Variants in SMYD3 observed in about 807,000 individuals in gnomAD.
SMYD3 encodes the protein SET and MYND domain containing 3, also known as histone-lysine N-methyltransferase SMYD3.
In SMYD3, 36 loss-of-function variants were observed where a neutral mutation model predicts 57.7. That is an observed-to-expected ratio of 0.62 (90% CI 0.48 to 0.82). The LOEUF (loss-of-function observed/expected upper bound fraction) is 0.82, where lower values mean the gene tolerates loss of function less well. Ranked by LOEUF, SMYD3 falls within the 40% of genes least tolerant of loss-of-function variation. The pLI, the probability that SMYD3 is intolerant of heterozygous loss-of-function variation, is 0.00. For synonymous variants in SMYD3, 211 were observed against 195.0 expected (o/e 1.08, Z -0.68); for missense variants, 515 against 538.8 (o/e 0.96, Z 0.44).
At chr1:246,402,594 T>C (rs535684597) in intron 1 of SMYD3, among the ~76,000 whole-genome samples, 1 of 152,316 alleles carries the variant, frequency 6.6e-6, no homozygotes, top group Non-Finnish European at 1.5e-5. Context: ...ACAGTCAAGA[T>C]AGAGGCTAGA....
At chr1:245,961,679 G>A (rs1461662052) in intron 5 of SMYD3, among the ~76,000 whole-genome samples, 1 of 152,050 alleles carries the variant, frequency 6.6e-6, no homozygotes, top group Non-Finnish European at 1.5e-5. Context: ...TGTAGCCTAG[G>A]ACAGTGGTTT....
chr1:246,153,022 A>T (rs1468781137), intron 5 of SMYD3, among the ~76,000 whole-genome samples: 1 of 152,094 alleles, frequency 6.6e-6, no homozygotes, highest in Non-Finnish European at 1.5e-5. Context: ...AACATATCTG[A>T]TGTCCAATTT....
At chr1:246,181,643 T>C (rs748595313) in intron 5 of SMYD3, among the ~76,000 whole-genome samples, 2 of 152,208 alleles carry the variant, frequency 1.3e-5, no homozygotes, top group Non-Finnish European at 2.9e-5. Flanking sequence ...GTTTTATTTA[T>C]AAGAAATAAA....
chr1:246,323,102 C>A (rs547721409), intron 5 of SMYD3, among the ~76,000 whole-genome samples: 1 of 152,326 alleles, frequency 6.6e-6, no homozygotes, highest in Non-Finnish European at 1.5e-5. Context: ...TCAGTTTCCA[C>A]TTCTGATATG....
rs2061578751 is a variant in SMYD3, at chr1:246,130,989, T to A, written c.531+196212A>T. On this transcript the variant is annotated intron_variant, in intron 5 of 11. Coordinates refer to ENST00000490107, the MANE Select transcript of SMYD3 (RefSeq NM_001167740.2). ...TCCTAGTCCTGTACACTACACACACTCTATGCTCCAAGGACTAGAAGCAGA... is the reference window on the plus strand; with the variant it reads ...TCCTAGTCCTGTACACTACACACACACTATGCTCCAAGGACTAGAAGCAGA... Among the ~76,000 whole-genome samples the A allele has an allele frequency of 3.3e-5, 5 of 152,086 alleles. No homozygotes were observed. In the South Asian group the frequency reaches 1.0e-3, roughly 32 times the overall value.
chr1:246,085,412 C>T (rs1160471017), intron 5 of SMYD3, among the ~76,000 whole-genome samples: 1 of 151,196 alleles, frequency 6.6e-6, no homozygotes, highest in Non-Finnish European at 1.5e-5. Context: ...AACAGACCTT[C>T]CCCCTCCCCT....
intron 5 of SMYD3, among the ~76,000 whole-genome samples, chr1:246,182,304 T>C (rs1377550506): frequency 6.6e-6 from 1 of 152,136 alleles, no homozygotes; most frequent in Non-Finnish European, 1.5e-5. Flanking sequence ...TACCTCAGCC[T>C]TCACTCCACT....
At chr1:245,841,290 A>T (rs2050387982) in intron 10 of SMYD3, among the ~76,000 whole-genome samples, 2 of 152,240 alleles carry the variant, frequency 1.3e-5, no homozygotes, top group South Asian at 2.1e-4. Context: ...ATAGCCAAAA[A>T]GTGAGTAGAG....
intron 1 of SMYD3, among the ~76,000 whole-genome samples, chr1:246,381,153 G>GGCCTCTAGTCTTAAA (rs1225845716): frequency 6.6e-6 from 1 of 152,130 alleles, no homozygotes; most frequent in Non-Finnish European, 1.5e-5. Flanking sequence ...TGACTCTCTA[G>GGCCTCTAGTCTTAAA]GCCTCTAGTC....
At chr1:245,957,638 T>G (rs538660559) in intron 5 of SMYD3, among the ~76,000 whole-genome samples, 2 of 152,314 alleles carry the variant, frequency 1.3e-5, no homozygotes, top group South Asian at 4.1e-4. Context: ...TATACTTGAG[T>G]AGGCACAAAA....
chr1:246,440,607 G>GA (rs987352552), intron 1 of SMYD3, among the ~76,000 whole-genome samples: 1 of 151,714 alleles, frequency 6.6e-6, no homozygotes, highest in Non-Finnish European at 1.5e-5. Context: ...ATATATCTAT[G>GA]AAAAAAAATA....
chr1:245,797,968 G>A (rs1572362143), intron 10 of SMYD3, among the ~76,000 whole-genome samples: 1 of 152,102 alleles, frequency 6.6e-6, no homozygotes, highest in African/African-American at 2.4e-5. Context: ...TGCTCAGTAC[G>A]TGAGAATTTT....
In SMYD3 at chr1:245,776,365, T is replaced by TA. The variant is rs200386954; in HGVS notation, c.1077-12217dup. 6.5e-3 allele frequency among the ~76,000 whole-genome samples: 981 copies of TA among 151,882 alleles called. 9 individuals carry two copies. Among genetic ancestry groups the TA allele is most frequent in the South Asian group, 0.019 (89 of 4,798 alleles). On this transcript the variant is annotated intron_variant, in intron 10 of 11. Coordinates refer to ENST00000490107, the MANE Select transcript of SMYD3 (RefSeq NM_001167740.2). ...ATCAGTAAGAAAGGAGCATTGTCGTTAAAAAAAACCCATACCTTTTCCTTG... is the reference window on the plus strand; with the variant it reads ...ATCAGTAAGAAAGGAGCATTGTCGTTAAAAAAAAACCCATACCTTTTCCTTG...
At chr1:246,449,378 T>A (rs1351208373) in intron 1 of SMYD3, among the ~76,000 whole-genome samples, 1 of 152,228 alleles carries the variant, frequency 6.6e-6, no homozygotes, top group Non-Finnish European at 1.5e-5. Flanking sequence ...TGGGTAGACC[T>A]CATTTATTTC....
intron 5 of SMYD3, among the ~76,000 whole-genome samples, chr1:246,259,852 C>T (rs1017174967): frequency 1.3e-5 from 2 of 152,204 alleles, no homozygotes; most frequent in African/African-American, 4.8e-5. Context: ...CATGGAGCTC[C>T]TCAGTATCAA....
intron 10 of SMYD3, among the ~76,000 whole-genome samples, chr1:245,845,869 T>G (rs2050637877): frequency 6.6e-6 from 1 of 152,248 alleles, no homozygotes; most frequent in Non-Finnish European, 1.5e-5. Context: ...TCTTCTGGTT[T>G]GTCCAGAGTT....
chr1:246,440,877 A>G (rs999593726), intron 1 of SMYD3, among the ~76,000 whole-genome samples: 1 of 152,070 alleles, frequency 6.6e-6, no homozygotes, highest in African/African-American at 2.4e-5. Flanking sequence ...CGTCTTTTGT[A>G]TTTTCCTAAG....
At chr1:245,776,783 T>C (rs1473307474) in intron 10 of SMYD3, among the ~76,000 whole-genome samples, 1 of 152,220 alleles carries the variant, frequency 6.6e-6, no homozygotes, top group Non-Finnish European at 1.5e-5. Flanking sequence ...ACTGCTTAGA[T>C]GCAGAATCAT....
chr1:245,923,421 T>C (rs2056132920), intron 7 of SMYD3, among the ~76,000 whole-genome samples: 1 of 152,182 alleles, frequency 6.6e-6, no homozygotes, highest in African/African-American at 2.4e-5. Context: ...GCCAATGTTA[T>C]GAAACCTTCA....
Sources: gnomAD v4.1 joint callset for allele counts (sites outside exome capture counted in the v4.1 genomes callset) on GRCh38, gnomAD v4.1.1 for gene constraint, MANE v1.5 for transcripts, NCBI Gene and HGNC (gene_info 2026-07-23, HGNC 2026-07-21) for gene names.